The following CORIN variants were observed in gnomAD, a reference collection of about 807,000 sequenced individuals.
CORIN encodes atrial natriuretic peptide-converting enzyme.
Under a neutral mutation model 125.3 loss-of-function variants are expected in CORIN, and 117 were observed. The observed-to-expected ratio is 0.93, with a 90% CI of 0.80 to 1.09. CORIN has a LOEUF of 1.09. Ranked by LOEUF, CORIN falls within the 50% of genes least tolerant of loss-of-function variation. CORIN has a pLI of 0.00. For synonymous variants in CORIN, 450 were observed against 466.4 expected, an observed-to-expected ratio of 0.96 and a Z score of 0.45; for missense variants, 1,253 against 1,306.7, an observed-to-expected ratio of 0.96 and a Z score of 0.63.
At chr4:47,814,931 G>A (rs1186231520) in intron 1 of CORIN, among the ~76,000 whole-genome samples, 3 of 152,130 alleles carry the variant, frequency 2.0e-5, no homozygotes, top group African/African-American at 7.2e-5. Flanking sequence ...ATCCCAGAAT[G>A]TAGATTCAAT....
intron 21 of CORIN, among the ~76,000 whole-genome samples, chr4:47,597,654 G>C (rs1198270092): frequency 6.6e-6 from 1 of 152,006 alleles, no homozygotes; most frequent in Non-Finnish European, 1.5e-5. Context: ...TTTCATTCTT[G>C]ATCTCTCCTT....
chr4:47,754,211 G>A (rs1323600661), intron 4 of CORIN, among the ~76,000 whole-genome samples: 1 of 152,084 alleles, frequency 6.6e-6, no homozygotes, highest in East Asian at 1.9e-4. Flanking sequence ...GAGCTATTTT[G>A]GCTCATAAAA....
intron 6 of CORIN, among the ~76,000 whole-genome samples, chr4:47,690,251 G>A (rs927267931): frequency 7.9e-5 from 12 of 152,116 alleles, no homozygotes; most frequent in African/African-American, 2.9e-4. Flanking sequence ...AAAGGCAGAC[G>A]AGCTGAAAGA....
intron 1 of CORIN, among the ~76,000 whole-genome samples, chr4:47,827,957 G>T (rs566368838): frequency 6.6e-6 from 1 of 152,302 alleles, no homozygotes; most frequent in Non-Finnish European, 1.5e-5. Context: ...TACCCTCAGA[G>T]AAACCAGAGC....
Position 47,603,174 on chromosome 4 carries a change from T to C in CORIN, c.2812+223A>G, listed in dbSNP as rs865867924. Among the ~76,000 whole-genome samples the C allele has an allele frequency of 1.4e-3, 215 of 152,258 alleles. 4 individuals carry two copies. Among genetic ancestry groups the C allele is most frequent in the Admixed American group, 2.5e-3 (38 of 15,296 alleles). On this transcript the variant is annotated intron_variant, in intron 20 of 21. Coordinates refer to ENST00000273857, the MANE Select transcript of CORIN (RefSeq NM_006587.4). The stretch of plus-strand genomic sequence containing the variant: ...GATAGTGAGTTCTCACGAGGTCTGA[T>C]GGTTTTATAAGGGGCTTTTCCCCCT...
chr4:47,664,386 T>C (rs1724378817), intron 11 of CORIN, among the ~76,000 whole-genome samples: 1 of 152,160 alleles, frequency 6.6e-6, no homozygotes, highest in Non-Finnish European at 1.5e-5. Context: ...TTATTCTACA[T>C]GTAAAGGAAC....
chr4:47,786,267 G>C (rs1019157777), intron 3 of CORIN, among the ~76,000 whole-genome samples: 4 of 152,144 alleles, frequency 2.6e-5, no homozygotes, highest in African/African-American at 9.7e-5. Flanking sequence ...GGGCGCGGTG[G>C]CTCACGCCTG....
intron 12 of CORIN, among the ~76,000 whole-genome samples, chr4:47,655,849 G>GAA (rs34392343): frequency 2.8e-4 from 30 of 106,862 alleles, no homozygotes; most frequent in African/African-American, 9.4e-4. Flanking sequence ...TCTTTCAGCA[G>GAA]AAAAAAAAAA....
intron 4 of CORIN, among the ~76,000 whole-genome samples, chr4:47,752,922 T>C (rs1219656950): frequency 6.6e-6 from 1 of 152,184 alleles, no homozygotes; most frequent in Non-Finnish European, 1.5e-5. Flanking sequence ...TTACACATTA[T>C]AAAAGGATGC....
intron 21 of CORIN, 21 bp downstream of exon 21, chr4:47,600,193 G>C: frequency 1.3e-6 from 2 of 1,594,760 alleles, no homozygotes; most frequent in African/African-American, 2.7e-5. Flanking sequence ...GAATCTCCTT[G>C]GTAACCAGAA....
chr4:47,735,959 A>AT (rs1438556504), intron 5 of CORIN, among the ~76,000 whole-genome samples: 2 of 151,448 alleles, frequency 1.3e-5, no homozygotes, highest in African/African-American at 4.8e-5. Flanking sequence ...AAAAAAAAAA[A>AT]AAAAAAGAGG....
intron 13 of CORIN, among the ~76,000 whole-genome samples, chr4:47,647,531 A>T (rs1475271728): frequency 6.6e-6 from 1 of 152,216 alleles, no homozygotes; most frequent in African/African-American, 2.4e-5. Context: ...AATAATAATG[A>T]TGATAATGAG....
chr4:47,597,122 C>T (rs1055232013), intron 21 of CORIN, among the ~76,000 whole-genome samples: 1 of 152,048 alleles, frequency 6.6e-6, no homozygotes, highest in African/African-American at 2.4e-5. Flanking sequence ...GAGGCCGAGG[C>T]AGGCAGATGA....
intron 3 of CORIN, among the ~76,000 whole-genome samples, chr4:47,778,919 T>C (rs1431461224): frequency 2.6e-5 from 4 of 152,074 alleles, no homozygotes; most frequent in Non-Finnish European, 5.9e-5. Flanking sequence ...CAAAATATTT[T>C]TTTCCTCTAC....
At chr4:47,763,317 T>C (rs888112025) in intron 4 of CORIN, 62 bp downstream of exon 4, 2 of 1,328,534 alleles carry the variant, frequency 1.5e-6, no homozygotes, top group African/African-American at 1.5e-5. Context: ...TAATTTTTTT[T>C]CTCCTAGGAC....
intron 19 of CORIN, among the ~76,000 whole-genome samples, chr4:47,606,841 A>T (rs925962241): frequency 6.6e-6 from 1 of 151,956 alleles, no homozygotes; most frequent in South Asian, 2.1e-4. Context: ...GAAGTTCAAT[A>T]TGTATTTGTG....
At chr4:47,661,438 G>A (rs1053529786) in intron 12 of CORIN, 13 of 293,616 alleles carry the variant, frequency 4.4e-5, no homozygotes, top group Admixed American at 2.0e-4. Context: ...AATATTTTAG[G>A]TACCCCATAC....
intron 1 of CORIN, among the ~76,000 whole-genome samples, chr4:47,829,157 C>CAAAAAA (rs35771383): frequency 4.7e-5 from 3 of 64,270 alleles, no homozygotes; most frequent in African/African-American, 1.4e-4. Flanking sequence ...GACTCCGTCT[C>CAAAAAA]AAAAAAAAAA....
At chr4:47,602,027 A>C (rs1198997491) in intron 20 of CORIN, among the ~76,000 whole-genome samples, 1 of 151,282 alleles carries the variant, frequency 6.6e-6, no homozygotes, top group Non-Finnish European at 1.5e-5. Context: ...TTTTTTTTTA[A>C]GTTTCAGGTG....
Sources: allele counts gnomAD v4.1 joint callset (sites outside exome capture counted in the v4.1 genomes callset), GRCh38; gene constraint gnomAD v4.1.1; transcripts MANE v1.5; gene names NCBI Gene and HGNC (gene_info 2026-07-23, HGNC 2026-07-21).